The following SHISA9 variants were observed in gnomAD, a reference collection of about 807,000 sequenced individuals.
The protein encoded by SHISA9 is protein shisa-9.
SHISA9 carries 13 observed loss-of-function variants against 38.0 expected under a neutral mutation model. The ratio of observed to expected loss-of-function variants is 0.34; its 90% confidence interval spans 0.22 to 0.54. The LOEUF (loss-of-function observed/expected upper bound fraction) is 0.54. SHISA9 is among the 20% of genes least tolerant of loss of function. The pLI is 0.91. For missense variants in SHISA9, 538 were observed against 575.8 expected, an observed-to-expected ratio of 0.93 and a Z score of 0.67; for synonymous variants, 275 against 242.0, an observed-to-expected ratio of 1.14 and a Z score of -1.27.
rs2050515837 is a variant in SHISA9 at position 13,153,339 on chromosome 16, G to T, written c.692-50055G>T. Among the ~76,000 whole-genome samples, 5 of 152,146 alleles carry T rather than the reference G, an allele frequency of 3.3e-5. No homozygotes were observed. In the South Asian group the frequency reaches 1.0e-3, roughly 32 times the overall value. ...CCTTTAAATGTTTGTTTCTATATTG[G>T]ATTTTTAATGGAAAGCTTGGTAGTT... On this transcript the variant is annotated intron_variant, in intron 2 of 4. Transcript: ENST00000558583.
At chr16:13,420,077 C>T in the SHISA9 span, among the ~76,000 whole-genome samples, 1 of 151,838 alleles carries the variant, frequency 6.6e-6, no homozygotes, top group Admixed American at 6.5e-5. Context: ...GAAACCCCGT[C>T]TCTACTAAAA....
At chr16:13,542,549 G>T in the SHISA9 span, among the ~76,000 whole-genome samples, 3 of 151,656 alleles carry the variant, frequency 2.0e-5, no homozygotes, top group African/African-American at 7.3e-5. Context: ...TTCAATCAGC[G>T]CTGAGTTGAA....
intron 2 of SHISA9, among the ~76,000 whole-genome samples, chr16:13,186,702 T>C (rs2050827582): frequency 6.6e-6 from 1 of 152,210 alleles, no homozygotes; most frequent in South Asian, 2.1e-4. Context: ...AATGAAACTC[T>C]GCATTGCTGA....
the SHISA9 span, among the ~76,000 whole-genome samples, chr16:13,323,328 TGAGTC>T: frequency 1.3e-5 from 2 of 152,202 alleles, no homozygotes; most frequent in Admixed American, 6.5e-5. Flanking sequence ...TACCTGGAGT[TGAGTC>T]AACAGATGCA....
At chr16:13,161,803 T>G (rs992976533) in intron 2 of SHISA9, among the ~76,000 whole-genome samples, 2 of 151,172 alleles carry the variant, frequency 1.3e-5, no homozygotes, top group Admixed American at 6.6e-5. Flanking sequence ...AAAACCCTCG[T>G]TTTTTTTTCC....
At chr16:13,478,463 G>A in the SHISA9 span, among the ~76,000 whole-genome samples, 1 of 152,086 alleles carries the variant, frequency 6.6e-6, no homozygotes, top group African/African-American at 2.4e-5. Flanking sequence ...CTATAAGTCT[G>A]GACTCCTCTG....
chr16:12,981,925 T>G (rs2072244982), intron 2 of SHISA9, among the ~76,000 whole-genome samples: 1 of 152,186 alleles, frequency 6.6e-6, no homozygotes, highest in Admixed American at 6.5e-5. Context: ...AAACCAACCC[T>G]GCTGCCATCT....
chr16:13,379,400 A>C, the SHISA9 span, among the ~76,000 whole-genome samples: 1 of 152,086 alleles, frequency 6.6e-6, no homozygotes, highest in Non-Finnish European at 1.5e-5. Flanking sequence ...TACAGCTGAC[A>C]ATTTTCCCAT....
the SHISA9 span, among the ~76,000 whole-genome samples, chr16:13,308,761 A>G: frequency 1.3e-5 from 2 of 152,210 alleles, no homozygotes; most frequent in African/African-American, 4.8e-5. Flanking sequence ...TATTATAGGG[A>G]TGGAAAAATC....
chr16:13,273,314 G>A, the SHISA9 span, among the ~76,000 whole-genome samples: 1 of 152,096 alleles, frequency 6.6e-6, no homozygotes, highest in Non-Finnish European at 1.5e-5. Flanking sequence ...CCCCTGATAT[G>A]GTTTGGCTGT....
intron 2 of SHISA9, among the ~76,000 whole-genome samples, chr16:12,925,130 C>G (rs1283488405): frequency 6.6e-6 from 1 of 152,212 alleles, no homozygotes; most frequent in East Asian, 1.9e-4. Context: ...AATGTTTTCA[C>G]TCTGCGTGCC....
At chr16:13,135,201 G>C (rs1170641715) in intron 2 of SHISA9, among the ~76,000 whole-genome samples, 2 of 152,212 alleles carry the variant, frequency 1.3e-5, no homozygotes, top group African/African-American at 4.8e-5. Context: ...ATCATGATCA[G>C]ATCTGGATTG....
the SHISA9 span, among the ~76,000 whole-genome samples, chr16:13,379,314 A>G: frequency 2.6e-5 from 4 of 152,336 alleles, no homozygotes; most frequent in African/African-American, 4.8e-5. Flanking sequence ...ATAATGCTGC[A>G]TATTAAAATG....
the SHISA9 span, among the ~76,000 whole-genome samples, chr16:13,323,434 G>A: frequency 2.0e-5 from 3 of 152,156 alleles, no homozygotes. Context: ...AATATAGTTT[G>A]GATGTTTGTC....
the SHISA9 span, among the ~76,000 whole-genome samples, chr16:13,303,216 C>G: frequency 6.6e-6 from 1 of 152,132 alleles, no homozygotes; most frequent in Non-Finnish European, 1.5e-5. Flanking sequence ...AACAATTCTA[C>G]TTCTAAGTAT....
chr16:13,479,332 A>G, the SHISA9 span, among the ~76,000 whole-genome samples: 4 of 152,180 alleles, frequency 2.6e-5, no homozygotes, highest in African/African-American at 9.7e-5. Context: ...TAGCATATTC[A>G]TAGGTCTGGG....
At chr16:12,902,648 C>A in intron 1 of SHISA9, 21 bp downstream of exon 1, 1 of 1,524,810 alleles carries the variant, frequency 6.6e-7, no homozygotes, top group Non-Finnish European at 8.8e-7. Context: ...TCCCCTTCGC[C>A]CTCCCCTCGG....
the SHISA9 span, among the ~76,000 whole-genome samples, chr16:13,337,691 C>T: frequency 1.3e-5 from 2 of 152,172 alleles, no homozygotes; most frequent in Admixed American, 6.5e-5. Flanking sequence ...ACTCAAATCT[C>T]ATGTTGAATT....
At chr16:13,153,664 A>T (rs2050518654) in intron 2 of SHISA9, among the ~76,000 whole-genome samples, 1 of 152,240 alleles carries the variant, frequency 6.6e-6, no homozygotes, top group Non-Finnish European at 1.5e-5. Flanking sequence ...AAGCAGAGAA[A>T]TGTGGCCCTC....
Sources: gnomAD v4.1 joint callset for allele counts (sites outside exome capture counted in the v4.1 genomes callset) on GRCh38, gnomAD v4.1.1 for gene constraint, MANE v1.5 for transcripts, NCBI Gene and HGNC (gene_info 2026-07-23, HGNC 2026-07-21) for gene names.